AMOT: variants seen among roughly 807,000 people sequenced by gnomAD.
AMOT encodes the protein angiomotin.
Under a neutral mutation model 67.0 loss-of-function variants are expected in AMOT, and 11 were observed. That is an observed-to-expected ratio of 0.16 (90% CI 0.10 to 0.27). AMOT has a LOEUF of 0.27. Ranked by LOEUF, AMOT falls within the 10% of genes least tolerant of loss-of-function variation. The pLI is 1.00. For missense variants in AMOT, 753 were observed against 852.0 expected, an observed-to-expected ratio of 0.88 and a Z score of 1.45; for synonymous variants, 326 against 321.4, an observed-to-expected ratio of 1.01 and a Z score of -0.15.
intron 8 of AMOT, among the ~76,000 whole-genome samples, chrX:112,793,362 A>G (rs756538378): frequency 1.4e-3 from 152 of 112,027 alleles, no homozygotes; most frequent in African/African-American, 4.7e-3. Context: ...ATAAGAAGTT[A>G]CCCACCCTAC....
At chrX:112,816,002 C>A in intron 4 of AMOT, 125 bp from the exon 5 acceptor site, 1 of 975,690 alleles carries the variant, frequency 1.0e-6, no homozygotes. Flanking sequence ...GAAGAGCAGG[C>A]AGGGTCTGAC....
At chrX:112,800,890 G>C (rs1433300186) in intron 8 of AMOT, among the ~76,000 whole-genome samples, 1 of 111,497 alleles carries the variant, frequency 9.0e-6, no homozygotes, top group African/African-American at 3.3e-5. Context: ...GTTCAGAAAA[G>C]GTTAACATTT....
chrX:112,830,923 A>T (rs1340259516), intron 2 of AMOT, among the ~76,000 whole-genome samples: 3 of 111,698 alleles, frequency 2.7e-5, no homozygotes, highest in Non-Finnish European at 5.6e-5. Flanking sequence ...TGAATTTGTC[A>T]GTTTTTAGAT....
intron 4 of AMOT, among the ~76,000 whole-genome samples, chrX:112,818,110 A>G (rs1934616996): frequency 9.0e-6 from 1 of 111,448 alleles, no homozygotes; most frequent in Non-Finnish European, 1.9e-5. Context: ...AGGGAAAAAA[A>G]TCACTATATT....
intron 1 of AMOT, among the ~76,000 whole-genome samples, chrX:112,837,893 G>A (rs983493810): frequency 3.6e-5 from 4 of 111,817 alleles, no homozygotes; most frequent in African/African-American, 9.8e-5. Flanking sequence ...GGGAGAAAGA[G>A]ATGATGTAAT....
At chrX:112,836,259 TTTG>T (rs1228392722) in intron 1 of AMOT, among the ~76,000 whole-genome samples, 5 of 111,314 alleles carry the variant, frequency 4.5e-5, no homozygotes, top group South Asian at 7.7e-4. Context: ...GGACCCTAGT[TTTG>T]TTGTTGTTGT....
intron 4 of AMOT, among the ~76,000 whole-genome samples, chrX:112,816,359 C>T (rs1934558509): frequency 9.0e-6 from 1 of 111,161 alleles, no homozygotes; most frequent in Non-Finnish European, 1.9e-5. Context: ...ATAAAAACCA[C>T]CCCCATCTTG....
At chrX:112,828,102 G>A (rs935631713) in intron 2 of AMOT, among the ~76,000 whole-genome samples, 4 of 110,761 alleles carry the variant, frequency 3.6e-5, no homozygotes, top group African/African-American at 1.3e-4. Context: ...CTCTCAGGTT[G>A]GTCCATATTG....
intron 8 of AMOT, among the ~76,000 whole-genome samples, chrX:112,796,043 A>AAC (rs1350016786): frequency 9.1e-6 from 1 of 110,359 alleles, no homozygotes; most frequent in African/African-American, 3.3e-5. Context: ...TAAAAAAAAA[A>AAC]AAAACAGGGC....
chrX:112,814,272 CAAA>C (rs772491383), intron 5 of AMOT, among the ~76,000 whole-genome samples: 2 of 57,184 alleles, frequency 3.5e-5, no homozygotes, highest in African/African-American at 6.3e-5. Flanking sequence ...GACTCCGTCT[CAAA>C]AAAAAAAAAA....
Position 112,779,492 on chromosome X carries a change from CAACTGGAGCAGG to C in AMOT, c.2650_2661del (p.Pro884_Val887del). Reference sequence around the variant, plus strand: ...ATGGCGGCAGCAGTGGCGGCAGCAGCAACTGGAGCAGGAACAGAGATGGGAGCAACAGCTGCA... The same window carrying C: ...ATGGCGGCAGCAGTGGCGGCAGCAGCAACAGAGATGGGAGCAACAGCTGCA... On this transcript the variant is annotated inframe_deletion, in exon 13 of 14. Coordinates refer to ENST00000371959, the MANE Select transcript of AMOT (RefSeq NM_001113490.2). 1 of 1,208,808 alleles carries C rather than the reference CAACTGGAGCAGG, an allele frequency of 8.3e-7. No homozygotes were observed. The highest frequency in any genetic ancestry group is 1.1e-6 in the Non-Finnish European group (1 of 894,119).
At chrX:112,816,133 C>A (rs941978461) in intron 4 of AMOT, among the ~76,000 whole-genome samples, 1 of 111,833 alleles carries the variant, frequency 8.9e-6, no homozygotes, top group Non-Finnish European at 1.9e-5. Flanking sequence ...CAGAACCAGA[C>A]AACTTCCATG....
chrX:112,795,248 C>CTCTG (rs1556198664), intron 8 of AMOT, among the ~76,000 whole-genome samples: 1 of 104,196 alleles, frequency 9.6e-6, no homozygotes, highest in African/African-American at 3.5e-5. Context: ...GTCTCTCTCT[C>CTCTG]TGTGTGTGTG....
At chrX:112,815,162 G>C (rs1934502947) in intron 5 of AMOT, among the ~76,000 whole-genome samples, 196 bp downstream of exon 5, 2 of 111,642 alleles carry the variant, frequency 1.8e-5, no homozygotes, top group Non-Finnish European at 3.8e-5. Flanking sequence ...GTAAATGTAA[G>C]ACGTTACTTC....
At position 112,778,557 on chromosome X, in the gene AMOT, A is replaced by AT. The variant is rs751054633; in HGVS notation, c.*9dup. 5 of 1,188,382 alleles carry AT rather than the reference A, an allele frequency of 4.2e-6. No individual in the cohort carries two copies. In the East Asian group the frequency reaches 1.5e-4, roughly 35 times the overall value. On this transcript the variant is annotated 3_prime_UTR_variant, in exon 14 of 14. Transcript: ENST00000371959. ...TTTTGCTGATAATCTGCAGCTCTTG[A>AT]TTTGGCCGTTTAGATGAGATATTCC...
At position 112,811,301 on chromosome X, in the gene AMOT, G is replaced by T. The variant is rs775810442; in HGVS notation, c.1485C>A (p.Asn495Lys). The T allele has an allele frequency of 3.3e-6, 4 of 1,211,333 alleles. No individual in the cohort carries two copies. The highest frequency in any genetic ancestry group is 4.5e-6 in the Non-Finnish European group (4 of 895,351). Residue 495 changes from asparagine (N) to lysine (K), a missense_variant, in exon 6 of 14, where the codon AAC (asparagine) becomes AAA (lysine). By Grantham distance (94) the Asn-to-Lys change is moderately conservative (BLOSUM62 0). This residue lies in a region of AMOT where 297 missense variants were observed against 284.3 expected (regional missense o/e 1.04). Transcript: ENST00000371959. The part of the protein sequence containing the change: ...KREALEKAMR[N>K]KLEGEIRRMH... ...TCCTCCGAATCTCGCCCTCTAGCTTGTTTCTCATGGCTTTCTCTAGGGCCT... is the reference window on the plus strand; with the variant it reads ...TCCTCCGAATCTCGCCCTCTAGCTTTTTTCTCATGGCTTTCTCTAGGGCCT...
intron 1 of AMOT, among the ~76,000 whole-genome samples, chrX:112,832,867 A>C (rs1005791124): frequency 2.7e-5 from 3 of 111,068 alleles, no homozygotes; most frequent in African/African-American, 9.9e-5. Context: ...CAGCAGGTGT[A>C]TGGACAGGAG....
chrX:112,782,842 C>G (rs989988481), intron 10 of AMOT, among the ~76,000 whole-genome samples, 180 bp from the exon 11 acceptor site: 3 of 112,046 alleles, frequency 2.7e-5, no homozygotes, highest in African/African-American at 9.7e-5. Flanking sequence ...GTTCAGCGTT[C>G]AGGGTAGAAG....
intron 2 of AMOT, among the ~76,000 whole-genome samples, chrX:112,827,234 C>T (rs1934865653): frequency 8.9e-6 from 1 of 112,569 alleles, no homozygotes. Context: ...TCACCCTCCT[C>T]CTGCCATCTT....
Sources: gnomAD v4.1 joint callset for allele counts (sites outside exome capture counted in the v4.1 genomes callset) on GRCh38, gnomAD v4.1.1 for gene constraint, gnomAD v4.1.1 regional missense constraint, MANE v1.5 for transcripts, NCBI Gene and HGNC (gene_info 2026-07-23, HGNC 2026-07-21) for gene names.